Variants in COL12A1 observed in about 807,000 individuals in gnomAD.
The protein encoded by COL12A1 is collagen type XII alpha 1 chain, also known as collagen alpha-1(XII) chain.
Under a neutral mutation model 349.7 loss-of-function variants are expected in COL12A1, and 114 were observed. The observed-to-expected ratio is 0.33, with a 90% CI of 0.28 to 0.38. The LOEUF is 0.38. Ranked by LOEUF, COL12A1 falls within the 10% of genes least tolerant of loss-of-function variation. The probability of loss-of-function intolerance (pLI) is 1.00; values close to 1 mark genes in which losing one functional copy is unlikely to be tolerated. For missense variants in COL12A1, 3,284 were observed against 3,756.9 expected (o/e 0.87, Z 3.29); for synonymous variants, 1,369 against 1,329.0 (o/e 1.03, Z -0.66).
chr6:75,107,405 G>C (rs12662022), intron 52 of COL12A1, among the ~76,000 whole-genome samples: 3,373 of 152,046 alleles, frequency 0.022, 125 homozygotes, highest in East Asian at 0.19. Context: ...CAATTAGCTG[G>C]CATTACAGGC....
intron 64 of COL12A1, among the ~76,000 whole-genome samples, chr6:75,088,823 A>G (rs1490396878): frequency 6.6e-6 from 1 of 151,494 alleles, no homozygotes; most frequent in Admixed American, 6.6e-5. Context: ...ACACGGCAAA[A>G]CCCCGTCTCT....
At chr6:75,116,527 G>C (rs1414983169) in intron 47 of COL12A1, among the ~76,000 whole-genome samples, 1 of 151,956 alleles carries the variant, frequency 6.6e-6, no homozygotes, top group African/African-American at 2.4e-5. Context: ...CAGAGCTGAG[G>C]GTACCAGATG....
chr6:75,105,326 T>G (rs1395258437), intron 53 of COL12A1, 34 bp from the exon 54 acceptor site: 1 of 1,569,142 alleles, frequency 6.4e-7, no homozygotes, highest in Admixed American at 1.7e-5. Flanking sequence ...ACCTTTAAAT[T>G]TAGAGGAAAA....
intron 22 of COL12A1, 78 bp downstream of exon 22, chr6:75,148,280 A>C (rs1009997148): frequency 1.4e-6 from 2 of 1,427,196 alleles, no homozygotes; most frequent in African/African-American, 2.8e-5. Flanking sequence ...CCCTCACCTA[A>C]CATTATTCTC....
Position 75,152,225 on chromosome 6 carries a change from G to T in COL12A1, c.3741C>A (p.Pro1247=). The T allele has an allele frequency of 6.2e-7, 1 of 1,613,692 alleles. No individual in the cohort carries two copies. Among genetic ancestry groups the T allele is most frequent in the Non-Finnish European group, 8.5e-7 (1 of 1,179,780 alleles). ...GTGCATTTAACTGCCACTCTGTTCT[G>T]GGATCCCCACTATACTGAGCAAGAG... The part of the protein sequence containing the change: ...QIALAQYSGD[P]RTEWQLNAHR... The change falls in exon 19 of 66, where the codon CCC becomes CCA. Residue 1247 remains proline (P), a synonymous_variant. Transcript: ENST00000322507.
intron 55 of COL12A1, 33 bp downstream of exon 55, chr6:75,103,724 T>A: frequency 6.3e-7 from 1 of 1,592,916 alleles, no homozygotes; most frequent in Non-Finnish European, 8.6e-7. Context: ...AACATATAGA[T>A]AAGAATTTAA....
chr6:75,085,115 A>C lies in COL12A1; in HGVS notation c.*1432T>G. The C allele has an allele frequency of 2.5e-6, 1 of 403,142 alleles. No individual in the cohort carries two copies. Among genetic ancestry groups the C allele is most frequent in the Non-Finnish European group, 5.0e-6 (1 of 199,204 alleles). 25.0% of individuals were successfully genotyped at this position (403,142 alleles called of 1,614,324 possible). A position where few individuals can be genotyped will look rare whatever the true frequency, so the allele number is the denominator to read the frequency against. ...AAGAAACACCTCAGAAAAGACGTAC[A>C]CTGCTCTATCTGACCTGTAAATGAG... is the stretch of plus-strand genomic sequence containing the variant. On this transcript the variant is annotated 3_prime_UTR_variant, in exon 66 of 66. Coordinates refer to ENST00000322507, the MANE Select transcript of COL12A1 (RefSeq NM_004370.6).
Position 75,165,540 on chromosome 6 carries a change from C to G in COL12A1, c.2950G>C (p.Gly984Arg). 6.2e-7 allele frequency: 1 copy of G among 1,613,886 alleles called. No homozygotes were observed. The highest frequency in any genetic ancestry group is 1.1e-5 in the South Asian group (1 of 91,076). ...SVFATYSSGE[G>R]EPLTGDATTE... Reference sequence around the variant, plus strand: ...GTGGCATCTCCAGTCAAAGGTTCTCCTTCTCCACTGCTGTAAGTGGCAAAT... The same window carrying G: ...GTGGCATCTCCAGTCAAAGGTTCTCGTTCTCCACTGCTGTAAGTGGCAAAT... The change falls in exon 14 of 66, where the codon GGA becomes CGA. Residue 984 changes from glycine (G) to arginine (R), a missense_variant. This residue lies in a region of COL12A1 where 2,601 missense variants were observed against 2,824.8 expected (regional missense o/e 0.92). Coordinates refer to ENST00000322507, the MANE Select transcript of COL12A1 (RefSeq NM_004370.6).
In COL12A1 at chr6:75,182,941, T is replaced by G. The variant is rs1052272506; in HGVS notation, c.1891+109A>C. Reference sequence around the variant, plus strand: ...ATAGTTTTCAATAACATAGGAAAGTTACTTTTTCGTGTCTATAAGAAGAAT... The same window carrying G: ...ATAGTTTTCAATAACATAGGAAAGTGACTTTTTCGTGTCTATAAGAAGAAT... On this transcript the variant is annotated intron_variant, in intron 10 of 65. Transcript: ENST00000322507. The G allele has an allele frequency of 2.4e-4, 317 of 1,334,562 alleles. 1 individual carries two copies. Among genetic ancestry groups the G allele is most frequent in the Admixed American group, 4.7e-5 (2 of 42,490 alleles). 82.7% of individuals were successfully genotyped at this position (1,334,562 alleles called of 1,614,324 possible). A position where few individuals can be genotyped will look rare whatever the true frequency, so the allele number is the denominator to read the frequency against.
At chr6:75,201,816 G>A (rs1770542892) in intron 2 of COL12A1, among the ~76,000 whole-genome samples, 2 of 152,036 alleles carry the variant, frequency 1.3e-5, no homozygotes, top group African/African-American at 4.8e-5. Context: ...AATAAAATTG[G>A]GTGGGACATC....
At chr6:75,155,109 G>C (rs1052024889) in intron 16 of COL12A1, among the ~76,000 whole-genome samples, 2 of 152,062 alleles carry the variant, frequency 1.3e-5, no homozygotes, top group Non-Finnish European at 1.5e-5. Context: ...AATGAATGTA[G>C]GGTGCTGTTC....
chr6:75,119,758 T>A (rs905479301), intron 44 of COL12A1, among the ~76,000 whole-genome samples: 4 of 152,156 alleles, frequency 2.6e-5, no homozygotes, highest in African/African-American at 7.2e-5. Context: ...AAGGGATGAA[T>A]AAAGGTGGGG....
intron 39 of COL12A1, among the ~76,000 whole-genome samples, chr6:75,125,482 G>T (rs558971052): frequency 5.3e-5 from 8 of 152,212 alleles, no homozygotes; most frequent in African/African-American, 1.9e-4. Flanking sequence ...TATTCTCAAA[G>T]CATAGCACAG....
chr6:75,153,726 G>T (rs1767610087), intron 17 of COL12A1, among the ~76,000 whole-genome samples: 1 of 151,998 alleles, frequency 6.6e-6, no homozygotes, highest in Admixed American at 6.6e-5. Flanking sequence ...ACTATCAGAA[G>T]TAAACTCTGT....
rs745906155 is a variant in COL12A1, at chr6:75,194,841, G to A, written c.180C>T (p.Asp60=). 7.5e-6 allele frequency: 12 copies of A among 1,607,618 alleles called. No individual in the cohort carries two copies. The highest frequency in any genetic ancestry group is 1.0e-5 in the Non-Finnish European group (12 of 1,175,730). ...DPIVGYRITV[D]PTTDGPTKEF... ...AGTCTCAAAACTTACCCGTTGTAGG[G>A]TCCACCGTTATTCTGTAACCCACAA... The change falls in exon 3 of 66, where the codon GAC becomes GAT. Residue 60 remains aspartate, a synonymous_variant. Transcript: ENST00000322507.
At chr6:75,182,938 A>G in intron 10 of COL12A1, 112 bp downstream of exon 10, 1 of 1,293,828 alleles carries the variant, frequency 7.7e-7, no homozygotes, top group Non-Finnish European at 1.1e-6. Flanking sequence ...AACATAGGAA[A>G]GTTACTTTTT....
chr6:75,127,860 T>A (rs1766096955), intron 38 of COL12A1, among the ~76,000 whole-genome samples: 1 of 152,170 alleles, frequency 6.6e-6, no homozygotes, highest in African/African-American at 2.4e-5. Flanking sequence ...AAAGCTAAAT[T>A]TGTAGACAGA....
rs764066205 is a variant in COL12A1, at chr6:75,175,143, C to A, written c.2605G>T (p.Val869Leu). Residue 869 changes from valine to leucine, a missense_variant, in exon 13 of 66, where the codon GTG becomes TTG. Coordinates refer to ENST00000322507, the MANE Select transcript of COL12A1 (RefSeq NM_004370.6). ...VTVRGDTTNT[V>L]LQGLKEGTQY... ...GTCCCTTCCTTCAATCCCTGCAGCA[C>A]CGTATTGGTTGTATCTCCCCTCACA... 5.6e-6 allele frequency: 9 copies of A among 1,614,058 alleles called. No homozygotes were observed. Among genetic ancestry groups the A allele is most frequent in the Middle Eastern group, 3.3e-4 (2 of 6,084 alleles).
chr6:75,102,618 T>G lies in COL12A1; in HGVS notation c.8394A>C (p.Gly2798=). Residue 2798 remains glycine (G), a synonymous_variant, in exon 56 of 66, where the codon GGA becomes GGC. Coordinates refer to ENST00000322507, the MANE Select transcript of COL12A1 (RefSeq NM_004370.6). ...TTACTTGCTCTCCCGGAATAGAGAG[T>G]CCATTGGGTCCCTGAGGGCCTGGAG... ...QGPPGPQGPN[G]LSIPGEQGRQ... is the part of the protein sequence containing the mutation. 1 of 1,561,708 alleles carries G rather than the reference T, an allele frequency of 6.4e-7. No individual in the cohort carries two copies. Among genetic ancestry groups the G allele is most frequent in the South Asian group, 1.2e-5 (1 of 83,338 alleles).
Sources: gnomAD v4.1 joint callset for allele counts (sites outside exome capture counted in the v4.1 genomes callset) on GRCh38, gnomAD v4.1.1 for gene constraint, gnomAD v4.1.1 regional missense constraint, MANE v1.5 for transcripts, NCBI Gene and HGNC (gene_info 2026-07-23, HGNC 2026-07-21) for gene names.